The following CSMD3 variants were observed in gnomAD, a reference collection of about 807,000 sequenced individuals.
The protein encoded by CSMD3 is CUB and Sushi multiple domains 3.
In CSMD3, 177 loss-of-function variants were observed where a neutral mutation model predicts 435.2. The observed-to-expected ratio is 0.41, with a 90% CI of 0.36 to 0.46. The LOEUF is 0.46. CSMD3 is among the 20% of genes least tolerant of loss of function. The pLI is 0.34. For missense variants in CSMD3, 4,265 were observed against 4,504.6 expected (o/e 0.95, Z 1.52); for synonymous variants, 1,656 against 1,520.5 (o/e 1.09, Z -2.07).
At chr8:112,604,098 T>G (rs1045361424) in intron 22 of CSMD3, among the ~76,000 whole-genome samples, 1 of 152,186 alleles carries the variant, frequency 6.6e-6, no homozygotes, top group Non-Finnish European at 1.5e-5. Flanking sequence ...TTTTTCAAAC[T>G]GCAATTTGCA....
At chr8:112,492,124 G>A (rs1820763687) in intron 31 of CSMD3, among the ~76,000 whole-genome samples, 1 of 152,000 alleles carries the variant, frequency 6.6e-6, no homozygotes, top group African/African-American at 2.4e-5. Context: ...TACTTGTGTT[G>A]AAATGTTAGT....
chr8:113,290,282 T>C (rs1054659359), intron 2 of CSMD3, among the ~76,000 whole-genome samples: 3 of 151,670 alleles, frequency 2.0e-5, no homozygotes, highest in Admixed American at 6.6e-5. Flanking sequence ...AGCCTTATGA[T>C]AGTGATGATT....
At chr8:112,625,476 AG>A (rs1834404477) in intron 22 of CSMD3, among the ~76,000 whole-genome samples, 1 of 152,242 alleles carries the variant, frequency 6.6e-6, no homozygotes, top group South Asian at 2.1e-4. Flanking sequence ...TGATATGAAA[AG>A]GTTAATATTT....
intron 8 of CSMD3, among the ~76,000 whole-genome samples, chr8:112,951,536 A>G (rs1053207235): frequency 6.6e-6 from 1 of 151,772 alleles, no homozygotes; most frequent in Non-Finnish European, 1.5e-5. Flanking sequence ...AGTGCTTTGG[A>G]TCTTTTTCTG....
chr8:113,163,977 T>C (rs917852424), intron 4 of CSMD3, among the ~76,000 whole-genome samples: 3 of 152,048 alleles, frequency 2.0e-5, no homozygotes, highest in African/African-American at 7.2e-5. Context: ...CTTCTTTGCG[T>C]TGTTTAGCTA....
intron 11 of CSMD3, among the ~76,000 whole-genome samples, chr8:112,852,956 T>G (rs2080536621): frequency 6.6e-6 from 1 of 151,976 alleles, no homozygotes; most frequent in Admixed American, 6.6e-5. Context: ...ATAGCAAGTG[T>G]TGTTCTGATT....
intron 11 of CSMD3, among the ~76,000 whole-genome samples, chr8:112,858,913 G>T (rs1379102558): frequency 6.6e-6 from 1 of 151,808 alleles, no homozygotes; most frequent in East Asian, 1.9e-4. Context: ...GCATTCATTT[G>T]TAATTTTAAC....
intron 12 of CSMD3, among the ~76,000 whole-genome samples, chr8:112,827,023 A>AC: frequency 6.6e-6 from 1 of 151,424 alleles, no homozygotes; most frequent in African/African-American, 2.4e-5. Flanking sequence ...GTTCAAACAC[A>AC]CATTTTTTTT....
chr8:112,542,310 C>A (rs899712195), intron 27 of CSMD3, among the ~76,000 whole-genome samples: 6 of 132,646 alleles, frequency 4.5e-5, no homozygotes, highest in Non-Finnish European at 6.3e-5. Context: ...CTGGCCAGAG[C>A]AGTTTAGGAA....
At chr8:113,303,144 G>A (rs1282805554) in intron 2 of CSMD3, among the ~76,000 whole-genome samples, 2 of 147,376 alleles carry the variant, frequency 1.4e-5, no homozygotes, top group Admixed American at 6.9e-5. Context: ...CAAATCATGA[G>A]TGAACTCCCA....
At chr8:113,125,989 G>A (rs1461988549) in intron 4 of CSMD3, among the ~76,000 whole-genome samples, 4 of 151,924 alleles carry the variant, frequency 2.6e-5, no homozygotes, top group Non-Finnish European at 5.9e-5. Flanking sequence ...ATAATGTTAT[G>A]ATCCAATCAA....
At chr8:112,954,231 C>T (rs2083928673) in intron 8 of CSMD3, among the ~76,000 whole-genome samples, 1 of 151,268 alleles carries the variant, frequency 6.6e-6, no homozygotes, top group Admixed American at 6.6e-5. Flanking sequence ...TCTAAATTAC[C>T]TCAAATTAAG....
At chr8:112,776,581 A>G (rs1478360903) in intron 13 of CSMD3, among the ~76,000 whole-genome samples, 1 of 151,714 alleles carries the variant, frequency 6.6e-6, no homozygotes, top group Non-Finnish European at 1.5e-5. Flanking sequence ...CTTGAACATT[A>G]ATCTTCTATT....
At chr8:112,789,569 TCACTGAAATGTATCTGTGTAACATGC>T (rs2078635717) in intron 13 of CSMD3, among the ~76,000 whole-genome samples, 4 of 151,824 alleles carry the variant, frequency 2.6e-5, no homozygotes, top group South Asian at 2.1e-4. Flanking sequence ...GATAATTCAG[TCACTGAAATGTATCTGTGTAACATGC>T]TTATATTATG....
intron 27 of CSMD3, among the ~76,000 whole-genome samples, chr8:112,536,939 T>C (rs1185688166): frequency 6.6e-6 from 1 of 151,892 alleles, no homozygotes; most frequent in Non-Finnish European, 1.5e-5. Context: ...AAACACCGCA[T>C]ATTCTCACTC....
intron 38 of CSMD3, among the ~76,000 whole-genome samples, chr8:112,359,762 G>A (rs951114892): frequency 1.3e-5 from 2 of 152,074 alleles, no homozygotes; most frequent in Admixed American, 6.6e-5. Context: ...GATAAGGAGA[G>A]TCTGTACATT....
chr8:112,922,571 A>T (rs1480288285), intron 9 of CSMD3, among the ~76,000 whole-genome samples: 1 of 151,608 alleles, frequency 6.6e-6, no homozygotes, highest in Non-Finnish European at 1.5e-5. Context: ...TCTAATCTCT[A>T]TATCCATGTT....
intron 8 of CSMD3, among the ~76,000 whole-genome samples, chr8:112,953,976 G>A (rs1426708685): frequency 6.6e-6 from 1 of 151,038 alleles, no homozygotes; most frequent in African/African-American, 2.4e-5. Flanking sequence ...CAACAGTATT[G>A]TTGACAATTT....
chr8:112,811,460 C>T (rs1202352875), intron 12 of CSMD3, among the ~76,000 whole-genome samples: 1 of 152,058 alleles, frequency 6.6e-6, no homozygotes, highest in Non-Finnish European at 1.5e-5. Flanking sequence ...GGCCTTGGAG[C>T]TATCTTTTTG....
Sources: allele counts gnomAD v4.1 joint callset (sites outside exome capture counted in the v4.1 genomes callset), GRCh38; gene constraint gnomAD v4.1.1; transcripts MANE v1.5; gene names NCBI Gene and HGNC (gene_info 2026-07-23, HGNC 2026-07-21).